Variants in KCNT2 observed in about 807,000 individuals in gnomAD.
KCNT2 encodes the protein potassium sodium-activated channel subfamily T member 2.
In KCNT2, 67 loss-of-function variants were observed where a neutral mutation model predicts 153.8. The ratio of observed to expected loss-of-function variants is 0.44; its 90% CI spans 0.36 to 0.53. The LOEUF (loss-of-function observed/expected upper bound fraction) is 0.53. Among genes scored for constraint, KCNT2 ranks in the 20% least tolerant of loss-of-function variants. KCNT2 has a pLI of 0.00. For missense variants in KCNT2, 975 were observed against 1,354.8 expected (o/e 0.72, Z 4.40); for synonymous variants, 500 against 458.8 (o/e 1.09, Z -1.15).
At chr1:196,336,540 C>A (rs138594184) in intron 16 of KCNT2, among the ~76,000 whole-genome samples, 1 of 152,176 alleles carries the variant, frequency 6.6e-6, no homozygotes, top group African/African-American at 2.4e-5. Flanking sequence ...ACTTTCAACA[C>A]AAGCTACAAA....
At chr1:196,546,856 A>G (rs925182942) in intron 1 of KCNT2, among the ~76,000 whole-genome samples, 5 of 152,056 alleles carry the variant, frequency 3.3e-5, no homozygotes, top group African/African-American at 1.2e-4. Context: ...TACGTCATGG[A>G]ACATTGATTG....
intron 26 of KCNT2, among the ~76,000 whole-genome samples, chr1:196,249,807 C>T (rs756722466): frequency 7.9e-5 from 12 of 151,488 alleles, no homozygotes; most frequent in Admixed American, 5.3e-4. Flanking sequence ...TTTTATATGC[C>T]AACAGTGAAC....
At position 196,335,857 on chromosome 1, in the gene KCNT2, G is replaced by A. The variant is rs538829994; in HGVS notation, c.1784-1797C>T. Reference sequence around the variant, plus strand: ...ACACTAGCTATGATTTTACCATGCTGGAACTTCAATTCTACTGATGATACC... The same window carrying A: ...ACACTAGCTATGATTTTACCATGCTAGAACTTCAATTCTACTGATGATACC... On this transcript the variant is annotated intron_variant, in intron 16 of 27. Transcript: ENST00000294725. Among the ~76,000 whole-genome samples, 4 of 152,198 alleles carry A rather than the reference G, an allele frequency of 2.6e-5. No individual in the cohort carries two copies. In the East Asian group the frequency reaches 7.7e-4, roughly 29 times the overall value.
chr1:196,544,337 A>G (rs1238851050), intron 1 of KCNT2, among the ~76,000 whole-genome samples: 1 of 151,970 alleles, frequency 6.6e-6, no homozygotes. Context: ...ATATGTTTTG[A>G]GGCATATATT....
At chr1:196,582,865 G>T (rs544020689) in intron 1 of KCNT2, among the ~76,000 whole-genome samples, 37 of 152,062 alleles carry the variant, frequency 2.4e-4, no homozygotes, top group African/African-American at 8.7e-4. Flanking sequence ...AGATAATACA[G>T]ATTGCATAGG....
At chr1:196,446,785 A>G (rs1465623776) in intron 8 of KCNT2, among the ~76,000 whole-genome samples, 7 of 151,592 alleles carry the variant, frequency 4.6e-5, no homozygotes, top group Non-Finnish European at 8.9e-5. Context: ...ACTAAGACAA[A>G]TGTTCCAAAT....
chr1:196,489,694 TG>T, intron 3 of KCNT2, 143 bp downstream of exon 3: 1 of 545,650 alleles, frequency 1.8e-6, no homozygotes, highest in Non-Finnish European at 3.3e-6. Context: ...ATGTAGTGCC[TG>T]TAAATCGATC....
chr1:196,553,756 T>TA lies in KCNT2; in HGVS notation c.95+54458dup, dbSNP rs145379818. Among the ~76,000 whole-genome samples, 346 of 150,190 alleles carry TA rather than the reference T, an allele frequency of 2.3e-3. 1 individual carries two copies. The highest frequency in any genetic ancestry group is 4.0e-3 in the Non-Finnish European group (268 of 66,954). ...TGTCACAAAACAATTCTTAAAACAT[T>TA]AAAAAAAATGAAATAATATCACTCA... On this transcript the variant is annotated intron_variant, in intron 1 of 27. Transcript: ENST00000294725.
At chr1:196,489,405 A>G (rs1679687026) in intron 3 of KCNT2, among the ~76,000 whole-genome samples, 1 of 151,976 alleles carries the variant, frequency 6.6e-6, no homozygotes, top group Non-Finnish European at 1.5e-5. Context: ...TAAAAGAGAA[A>G]CAGTCTCTAG....
chr1:196,227,069 T>A lies in KCNT2; in HGVS notation c.*1155A>T, dbSNP rs533291630. On this transcript the variant is annotated 3_prime_UTR_variant, in exon 28 of 28. Transcript: ENST00000294725. ...TTAAATTTATAACTCAAATTCTGCATGATTTGCATTAATGTTAAAAGCCAA... is the reference window on the plus strand; with the variant it reads ...TTAAATTTATAACTCAAATTCTGCAAGATTTGCATTAATGTTAAAAGCCAA... 3 of 152,034 alleles carry A rather than the reference T, an allele frequency of 2.0e-5. No individual in the cohort carries two copies. Among genetic ancestry groups the A allele is most frequent in the Non-Finnish European group, 2.9e-5 (2 of 67,864 alleles). The allele number at this position is 152,034 out of a possible 1,614,324, so 9.4% of individuals were successfully genotyped here. A position where few individuals can be genotyped will look rare whatever the true frequency, so the allele number is the denominator to read the frequency against.
At chr1:196,589,428 T>C (rs1663077742) in intron 1 of KCNT2, among the ~76,000 whole-genome samples, 2 of 152,108 alleles carry the variant, frequency 1.3e-5, no homozygotes, top group South Asian at 4.1e-4. Context: ...GTCAAAAATA[T>C]ATTTTTAAGA....
intron 17 of KCNT2, among the ~76,000 whole-genome samples, chr1:196,331,919 C>T (rs973716215): frequency 1.3e-5 from 2 of 152,018 alleles, no homozygotes; most frequent in African/African-American, 2.4e-5. Context: ...GAGAATTTAG[C>T]TTGCTGACTT....
intron 14 of KCNT2, chr1:196,342,909 G>A (rs1463772644): frequency 6.6e-6 from 1 of 152,108 alleles, no homozygotes; most frequent in African/African-American, 2.4e-5. Flanking sequence ...ATGGTATTTG[G>A]GAGTGTGGCC....
intron 14 of KCNT2, among the ~76,000 whole-genome samples, chr1:196,351,642 G>A (rs537009020): frequency 6.5e-4 from 98 of 151,780 alleles, no homozygotes; most frequent in Admixed American, 9.2e-4. Context: ...CAATCATGTC[G>A]TCTGCAAACA....
At chr1:196,329,046 C>T (rs1397267287) in intron 18 of KCNT2, among the ~76,000 whole-genome samples, 1 of 152,032 alleles carries the variant, frequency 6.6e-6, no homozygotes, top group African/African-American at 2.4e-5. Context: ...AAATAACTTT[C>T]CCTAAGGAGA....
intron 1 of KCNT2, among the ~76,000 whole-genome samples, chr1:196,497,384 G>T (rs2335907): frequency 0.85 from 129,983 of 152,096 alleles, 56,436 homozygotes; most frequent in East Asian, 0.99. Context: ...ATACAGATCT[G>T]TTTTTCTTGT....
chr1:196,422,056 G>A (rs1673254773), intron 12 of KCNT2, among the ~76,000 whole-genome samples: 1 of 151,906 alleles, frequency 6.6e-6, no homozygotes, highest in Non-Finnish European at 1.5e-5. Context: ...CTAAGGGTTG[G>A]GACTTCAACG....
intron 1 of KCNT2, among the ~76,000 whole-genome samples, chr1:196,513,749 T>C (rs1681828763): frequency 6.6e-6 from 1 of 152,182 alleles, no homozygotes; most frequent in African/African-American, 2.4e-5. Context: ...ATAGTACTTA[T>C]TATAATGTGT....
chr1:196,482,195 T>C, intron 4 of KCNT2, 136 bp downstream of exon 4: 1 of 620,140 alleles, frequency 1.6e-6, no homozygotes, highest in East Asian at 3.3e-5. Context: ...ATGAAAATGT[T>C]AGTCCAAGAT....
Sources: allele counts gnomAD v4.1 joint callset (sites outside exome capture counted in the v4.1 genomes callset), GRCh38; gene constraint gnomAD v4.1.1; transcripts MANE v1.5; gene names NCBI Gene and HGNC (gene_info 2026-07-23, HGNC 2026-07-21).